The following UGT1A6 variants were observed in gnomAD, a reference collection of about 807,000 sequenced individuals.
UGT1A6 encodes UDP-glucuronosyltransferase 1A6.
UGT1A6 carries 32 observed loss-of-function variants against 44.4 expected under a neutral mutation model. The ratio of observed to expected loss-of-function variants is 0.72; its 90% CI spans 0.54 to 0.97. The LOEUF (loss-of-function observed/expected upper bound fraction) is 0.97, where lower values mean the gene tolerates loss of function less well. Among genes scored for constraint, UGT1A6 ranks in the 50% least tolerant of loss-of-function variants. The probability of loss-of-function intolerance (pLI) is 0.00; values close to 1 mark genes in which losing one functional copy is unlikely to be tolerated. For synonymous variants in UGT1A6, 238 were observed against 248.5 expected (o/e 0.96, Z 0.40); for missense variants, 685 against 661.9 (o/e 1.03, Z -0.38).
upstream of UGT1A6, chr2:233,692,102 G>C: frequency 6.6e-6 from 1 of 152,094 alleles, no homozygotes; most frequent in Non-Finnish European, 1.5e-5. Flanking sequence ...ATCACCGATG[G>C]GCAACAATCT....
At chr2:233,768,985 C>T (rs1366556370) in intron 4 of UGT1A6, among the ~76,000 whole-genome samples, 1 of 151,774 alleles carries the variant, frequency 6.6e-6, no homozygotes, top group East Asian at 1.9e-4. Context: ...AATTTTATTT[C>T]CCCCATTAGA....
At chr2:233,771,873 A>C (rs912640618) in intron 4 of UGT1A6, among the ~76,000 whole-genome samples, 1 of 150,972 alleles carries the variant, frequency 6.6e-6, no homozygotes, top group African/African-American at 2.4e-5. Context: ...ACATTTATTA[A>C]GAATAAGTTT....
chr2:233,729,159 G>A (rs781569400), intron 1 of UGT1A6: 4 of 1,613,520 alleles, frequency 2.5e-6, no homozygotes, highest in Non-Finnish European at 3.4e-6. Context: ...CCCTGCCGTG[G>A]CTGGCCACAG....
chr2:233,713,182 A>G (rs935339991), intron 1 of UGT1A6: 1 of 1,614,228 alleles, frequency 6.2e-7, no homozygotes, highest in Non-Finnish European at 8.5e-7. Context: ...CTCACCCTGG[A>G]GGTGAATATG....
At chr2:233,747,665 A>G in intron 1 of UGT1A6, 5 of 1,601,138 alleles carry the variant, frequency 3.1e-6, no homozygotes, top group Non-Finnish European at 4.3e-6. Context: ...TGGTTTTAAT[A>G]GACCCAATTT....
At position 233,693,578 on chromosome 2, in the gene UGT1A6, A is replaced by T. The variant is rs754174364; in HGVS notation, c.574A>T (p.Ile192Phe). The part of the protein sequence containing the change: ...FSRSPDPVSY[I>F]PRCYTKFSDH... ...CAGAAGCCCAGACCCTGTGTCCTAC[A>T]TTCCCAGGTGCTACACAAAGTTTTC... Residue 192 changes from isoleucine to phenylalanine, a missense_variant, in exon 1 of 5, where the codon ATT (isoleucine) becomes TTT (phenylalanine). Physicochemically the swap from Ile to Phe is conservative, Grantham distance 21. Transcript: ENST00000305139. 1 of 1,614,192 alleles carries T rather than the reference A, an allele frequency of 6.2e-7. No individual in the cohort carries two copies. Among genetic ancestry groups the T allele is most frequent in the Non-Finnish European group, 8.5e-7 (1 of 1,180,024 alleles).
intron 1 of UGT1A6, among the ~76,000 whole-genome samples, chr2:233,701,708 C>T (rs530092195): frequency 1.2e-4 from 19 of 152,298 alleles, no homozygotes; most frequent in African/African-American, 3.8e-4. Context: ...AACCGCTCAA[C>T]TACATGGAAA....
chr2:233,713,840 C>A (rs149208140), intron 1 of UGT1A6: 1 of 1,614,012 alleles, frequency 6.2e-7, no homozygotes, highest in Non-Finnish European at 8.5e-7. Context: ...ACTGTGCCAA[C>A]GGGAAGCCAC....
chr2:233,723,990 T>G, intron 1 of UGT1A6, among the ~76,000 whole-genome samples: 1 of 68,950 alleles, frequency 1.5e-5, no homozygotes, highest in South Asian at 6.4e-4. Context: ...TTTCCCGCCT[T>G]TCTATTCCAC....
intron 1 of UGT1A6, chr2:233,743,270 C>T (rs538069492): frequency 2.1e-6 from 1 of 467,964 alleles, no homozygotes; most frequent in East Asian, 7.0e-5. Context: ...TCCTCCACTT[C>T]CACCCTTTCT....
At chr2:233,703,860 T>A (rs1410590992) in intron 1 of UGT1A6, among the ~76,000 whole-genome samples, 1 of 152,144 alleles carries the variant, frequency 6.6e-6, no homozygotes, top group African/African-American at 2.4e-5. Context: ...CTATTATTGA[T>A]GTAGATGGAA....
Position 233,772,251 on chromosome 2 carries a change from T to C in UGT1A6, c.1302-11T>C, listed in dbSNP as rs1700493926. On this transcript the variant is annotated splice_polypyrimidine_tract_variant and intron_variant, in intron 4 of 4. Coordinates refer to ENST00000305139, the MANE Select transcript of UGT1A6 (RefSeq NM_001072.4). ...GTGTTCCAGGCATAACGAAACTGTCTTTGTGTTTAGTTACAAGGAGAACAT... is the reference window on the plus strand; with the variant it reads ...GTGTTCCAGGCATAACGAAACTGTCCTTGTGTTTAGTTACAAGGAGAACAT... The C allele has an allele frequency of 2.5e-6, 4 of 1,614,250 alleles. No homozygotes were observed. The East Asian group carries it at 8.9e-5, about 36-fold the overall frequency.
chr2:233,754,791 C>T (rs1377566295), intron 1 of UGT1A6: 10 of 1,204,840 alleles, frequency 8.3e-6, no homozygotes, highest in Non-Finnish European at 1.0e-5. Context: ...GGAACGAAAT[C>T]CTGTATCAAA....
At chr2:233,742,268 G>C (rs1474936757) in intron 1 of UGT1A6, among the ~76,000 whole-genome samples, 3 of 152,000 alleles carry the variant, frequency 2.0e-5, no homozygotes, top group African/African-American at 7.3e-5. Flanking sequence ...CAGCAAGCCT[G>C]TGATAAGCAT....
At chr2:233,714,579 T>G (rs2125639821) in intron 1 of UGT1A6, among the ~76,000 whole-genome samples, 1 of 152,344 alleles carries the variant, frequency 6.6e-6, no homozygotes, top group Middle Eastern at 3.4e-3. Flanking sequence ...ACATACATAA[T>G]TTAAACTTTT....
chr2:233,710,339 G>A (rs922089291), intron 1 of UGT1A6, among the ~76,000 whole-genome samples: 1 of 152,176 alleles, frequency 6.6e-6, no homozygotes, highest in Non-Finnish European at 1.5e-5. Flanking sequence ...AGAAACAGTC[G>A]AACTGTTTCC....
Position 233,772,371 on chromosome 2 carries a change from C to T in UGT1A6, c.1411C>T (p.Pro471Ser), listed in dbSNP as rs377565834. Reference sequence around the variant, plus strand: ...GTTTGTGATGAGGCACAAGGGCGCGCCACACCTGCGCCCCGCAGCCCACGA... The same window carrying T: ...GTTTGTGATGAGGCACAAGGGCGCGTCACACCTGCGCCCCGCAGCCCACGA... ...VEFVMRHKGA[P>S]HLRPAAHDLT... Residue 471 changes from proline to serine, a missense_variant, in exon 5 of 5, where the codon CCA becomes TCA. Coordinates refer to ENST00000305139, the MANE Select transcript of UGT1A6 (RefSeq NM_001072.4). 8 of 1,614,242 alleles carry T rather than the reference C, an allele frequency of 5.0e-6. No individual in the cohort carries two copies. Among genetic ancestry groups the T allele is most frequent in the Non-Finnish European group, 6.8e-6 (8 of 1,180,046 alleles).
At chr2:233,698,965 A>G (rs2075473391) in intron 1 of UGT1A6, among the ~76,000 whole-genome samples, 1 of 152,180 alleles carries the variant, frequency 6.6e-6, no homozygotes, top group Admixed American at 6.5e-5. Context: ...GCCCTTGGGG[A>G]AGCCCTTTGG....
chr2:233,721,483 T>C (rs977271860), intron 1 of UGT1A6: 7 of 174,698 alleles, frequency 4.0e-5, no homozygotes, highest in African/African-American at 1.7e-4. Context: ...ATCATTCTTA[T>C]TATTTTAGTT....
Sources: gnomAD v4.1 joint callset for allele counts (sites outside exome capture counted in the v4.1 genomes callset) on GRCh38, gnomAD v4.1.1 for gene constraint, MANE v1.5 for transcripts, NCBI Gene and HGNC (gene_info 2026-07-23, HGNC 2026-07-21) for gene names.